OPCML: variants seen among roughly 807,000 people sequenced by gnomAD.
The protein encoded by OPCML is opioid binding protein/cell adhesion molecule like, also known as opioid-binding protein/cell adhesion molecule.
In OPCML, 13 loss-of-function variants were observed where a neutral mutation model predicts 37.8. That is an observed-to-expected ratio of 0.34 (90% confidence interval 0.22 to 0.55). The LOEUF is 0.55. Among genes scored for constraint, OPCML ranks in the 20% least tolerant of loss-of-function variants. The pLI, the probability that OPCML is intolerant of heterozygous loss-of-function variation, is 0.91. For missense variants in OPCML, 341 were observed against 435.6 expected (o/e 0.78, Z 1.93); for synonymous variants, 176 against 168.8 (o/e 1.04, Z -0.33).
chr11:132,736,238 A>T (rs1376914900), intron 2 of OPCML, among the ~76,000 whole-genome samples: 2 of 152,178 alleles, frequency 1.3e-5, no homozygotes, highest in Non-Finnish European at 2.9e-5. Context: ...TTCAGTTCTT[A>T]GGTTTTCTGA....
At chr11:133,519,327 T>G (rs139049370) in intron 1 of OPCML, among the ~76,000 whole-genome samples, 5 of 152,204 alleles carry the variant, frequency 3.3e-5, no homozygotes, top group Admixed American at 3.3e-4. Flanking sequence ...ATTAACATAT[T>G]TTTATGCATT....
intron 1 of OPCML, among the ~76,000 whole-genome samples, chr11:133,076,080 G>A (rs1565433830): frequency 6.6e-6 from 1 of 151,422 alleles, no homozygotes; most frequent in Admixed American, 6.6e-5. Flanking sequence ...ATTTACTCTT[G>A]GTTTGTTATT....
At chr11:133,240,208 G>A (rs1940673636) in intron 1 of OPCML, among the ~76,000 whole-genome samples, 1 of 130,130 alleles carries the variant, frequency 7.7e-6, no homozygotes, top group Non-Finnish European at 1.6e-5. Flanking sequence ...TCCCACACTT[G>A]GGGCAAAAAA....
At chr11:133,400,487 T>C (rs1183078727) in intron 1 of OPCML, among the ~76,000 whole-genome samples, 1 of 152,194 alleles carries the variant, frequency 6.6e-6, no homozygotes, top group Non-Finnish European at 1.5e-5. Flanking sequence ...TTCTAAGAGC[T>C]TTCCCAGAAA....
chr11:132,852,092 C>T (rs575004169), intron 2 of OPCML, among the ~76,000 whole-genome samples: 10 of 152,266 alleles, frequency 6.6e-5, no homozygotes, highest in South Asian at 2.1e-4. Context: ...CCACCAGAGA[C>T]GGGCAGTCGA....
chr11:132,678,314 C>T (rs1232560499), intron 2 of OPCML, among the ~76,000 whole-genome samples: 1 of 152,158 alleles, frequency 6.6e-6, no homozygotes. Flanking sequence ...AATGATATGG[C>T]CAATTTGAAA....
At chr11:133,294,441 G>A (rs550337793) in intron 1 of OPCML, among the ~76,000 whole-genome samples, 5 of 152,252 alleles carry the variant, frequency 3.3e-5, no homozygotes, top group Admixed American at 6.5e-5. Context: ...CAATGTGGAG[G>A]TGGACCAAGT....
Position 132,542,074 on chromosome 11 carries a change from AT to A in OPCML, c.380-12889del, listed in dbSNP as rs2096357944. ...GTCATTTAGTGATCCTTGGTTACAG[AT>A]GATCAGTGCGGAGTGTGAGCAGGGA... On this transcript the variant is annotated intron_variant, in intron 3 of 7. Transcript: ENST00000524381. Among the ~76,000 whole-genome samples the A allele has an allele frequency of 4.6e-5, 7 of 152,286 alleles. No homozygotes were observed. The South Asian group carries it at 1.5e-3, about 32-fold the overall frequency.
intron 1 of OPCML, among the ~76,000 whole-genome samples, chr11:133,408,056 G>A (rs761398291): frequency 6.6e-6 from 1 of 152,060 alleles, no homozygotes; most frequent in Non-Finnish European, 1.5e-5. Flanking sequence ...CTTGAAAGCC[G>A]TGACTTTAAG....
intron 1 of OPCML, among the ~76,000 whole-genome samples, chr11:133,380,091 T>C (rs150960985): frequency 1.3e-4 from 20 of 152,316 alleles, no homozygotes; most frequent in African/African-American, 3.8e-4. Flanking sequence ...ACATGGTTCT[T>C]GCCCTGATGT....
chr11:132,540,463 C>T (rs1312274207), intron 3 of OPCML, among the ~76,000 whole-genome samples: 1 of 152,154 alleles, frequency 6.6e-6, no homozygotes, highest in Non-Finnish European at 1.5e-5. Flanking sequence ...CAAATTGGAA[C>T]TAGGTGAGTT....
chr11:133,381,718 C>T (rs1383000333), intron 1 of OPCML, among the ~76,000 whole-genome samples: 1 of 152,206 alleles, frequency 6.6e-6, no homozygotes, highest in African/African-American at 2.4e-5. Context: ...GGGCAATGTC[C>T]TACCTGCCAA....
intron 1 of OPCML, among the ~76,000 whole-genome samples, chr11:133,137,527 G>A (rs1386405061): frequency 6.6e-6 from 1 of 152,140 alleles, no homozygotes; most frequent in African/African-American, 2.4e-5. Context: ...TCATGCATTA[G>A]GTACTTCAGT....
At chr11:132,681,264 T>C (rs1391097089) in intron 2 of OPCML, among the ~76,000 whole-genome samples, 1 of 152,178 alleles carries the variant, frequency 6.6e-6, no homozygotes, top group Admixed American at 6.5e-5. Context: ...ATCCCCATTT[T>C]CCCACTCAAA....
chr11:133,359,034 T>C (rs906228775), intron 1 of OPCML, among the ~76,000 whole-genome samples: 1 of 152,106 alleles, frequency 6.6e-6, no homozygotes, highest in Non-Finnish European at 1.5e-5. Context: ...AACTTTGTTG[T>C]TTATTCTGAA....
At chr11:133,007,782 T>G in intron 1 of OPCML, 1 of 985,430 alleles carries the variant, frequency 1.0e-6, no homozygotes, top group Non-Finnish European at 1.2e-6. Flanking sequence ...TTTTGAATAG[T>G]TAGCACATGT....
chr11:133,366,910 C>T (rs866293471), intron 1 of OPCML, among the ~76,000 whole-genome samples: 2 of 152,186 alleles, frequency 1.3e-5, no homozygotes, highest in Non-Finnish European at 2.9e-5. Flanking sequence ...GGTGGACACC[C>T]AGCGGGACAA....
chr11:133,202,118 C>G (rs890468590), intron 1 of OPCML, among the ~76,000 whole-genome samples: 1 of 152,058 alleles, frequency 6.6e-6, no homozygotes, highest in Admixed American at 6.6e-5. Flanking sequence ...GACAAAGATC[C>G]GGGAATGATT....
Position 132,657,235 on chromosome 11 carries a change from T to C in OPCML, c.231A>G (p.Ile77Met). Reference protein sequence around the residue: ...ILYAGNDKWSIDPRVIILVNT... With the variant: ...ILYAGNDKWSMDPRVIILVNT... ...TGACCAGGATGATCACACGAGGGTC[T>C]ATGGACCACTTGTCATTCCCAGCGT... The change falls in exon 3 of 8, where the codon ATA (isoleucine) becomes ATG (methionine). Residue 77 changes from isoleucine to methionine, a missense_variant. By Grantham distance (10) the Ile-to-Met change is conservative. Transcript: ENST00000524381. 6.2e-7 allele frequency: 1 copy of C among 1,614,192 alleles called. No homozygotes were observed. The highest frequency in any genetic ancestry group is 8.5e-7 in the Non-Finnish European group (1 of 1,180,002).
Sources: allele counts gnomAD v4.1 joint callset (sites outside exome capture counted in the v4.1 genomes callset), GRCh38; gene constraint gnomAD v4.1.1; transcripts MANE v1.5; gene names NCBI Gene and HGNC (gene_info 2026-07-23, HGNC 2026-07-21).